The following SCML2 variants were observed in gnomAD, a reference collection of about 807,000 sequenced individuals.
SCML2 encodes the protein Scm polycomb group protein like 2, also known as sex comb on midleg-like protein 2.
A neutral mutation model predicts 48.4 loss-of-function variants in SCML2; 6 were observed. That is an observed-to-expected ratio of 0.12 (90% CI 0.07 to 0.24). SCML2 has a LOEUF of 0.24. Among genes scored for constraint, SCML2 ranks in the 10% least tolerant of loss-of-function variants. The pLI is 1.00. For synonymous variants in SCML2, 181 were observed against 189.5 expected (o/e 0.95, Z 0.37); for missense variants, 377 against 528.2 (o/e 0.71, Z 2.81).
chrX:18,330,699 G>T, intron 2 of SCML2, 44 bp from the exon 3 acceptor site: 1 of 764,301 alleles, frequency 1.3e-6, no homozygotes, highest in Non-Finnish European at 1.9e-6. Flanking sequence ...CACAGCAACA[G>T]CTTGAAAGAG....
chrX:18,274,408 G>T (rs1354700991), intron 7 of SCML2, among the ~76,000 whole-genome samples: 1 of 112,392 alleles, frequency 8.9e-6, no homozygotes, highest in Non-Finnish European at 1.9e-5. Context: ...GAAGGGGTCA[G>T]GGAAATATCC....
chrX:18,265,895 A>C (rs898569373), intron 7 of SCML2, 93 bp from the exon 8 acceptor site: 1 of 597,420 alleles, frequency 1.7e-6, no homozygotes, highest in African/African-American at 2.3e-5. Context: ...CGACCTTTAA[A>C]ACCATTTCCA....
chrX:18,341,356 G>C (rs1361253261), intron 1 of SCML2: 2 of 332,173 alleles, frequency 6.0e-6, no homozygotes, highest in East Asian at 9.0e-5. Flanking sequence ...AGAGCCTGGA[G>C]GATTCCCTAC....
rs763950074 is a variant in SCML2 at position 18,333,955 on chromosome X, T to C, written c.22+95A>G. The C allele has an allele frequency of 9.6e-5, 78 of 813,129 alleles. No individual in the cohort carries two copies. In the South Asian group the frequency reaches 2.2e-3, roughly 23 times the overall value. The allele number at this position is 813,129 out of a possible 1,213,427, so 67.0% of individuals were successfully genotyped here. Reference sequence around the variant, plus strand: ...CCTAGCATCTCCTATAAATTTATTTTTTAAAGGCTTTATTTCAAAAGTTCA... The same window carrying C: ...CCTAGCATCTCCTATAAATTTATTTCTTAAAGGCTTTATTTCAAAAGTTCA... On this transcript the variant is annotated intron_variant, in intron 2 of 14. Transcript: ENST00000251900.
intron 7 of SCML2, among the ~76,000 whole-genome samples, chrX:18,282,528 C>T (rs1189083774): frequency 9.0e-6 from 1 of 110,988 alleles, no homozygotes; most frequent in Non-Finnish European, 1.9e-5. Context: ...ATTCCAGCTA[C>T]TTGTGGGGCT....
At position 18,327,207 on chromosome X, in the gene SCML2, T is replaced by TA. The variant is rs1190700531; in HGVS notation, c.92-2231dup. On this transcript the variant is annotated intron_variant, in intron 3 of 14. Transcript: ENST00000251900. ...CAACATGGCGAAACCCCGTTTCTACTAAAAAAAAAAAAATTGCTGGGCATC... is the reference window on the plus strand; with the variant it reads ...CAACATGGCGAAACCCCGTTTCTACTAAAAAAAAAAAAAATTGCTGGGCATC... Among the ~76,000 whole-genome samples, 800 of 101,223 alleles carry TA rather than the reference T, an allele frequency of 7.9e-3. 7 individuals are homozygous for TA. Among genetic ancestry groups the TA allele is most frequent in the African/African-American group, 0.025 (704 of 27,966 alleles). 87.9% of individuals were successfully genotyped at this position (101,223 alleles called of 115,157 possible). A position where few individuals can be genotyped will look rare whatever the true frequency, so the allele number is the denominator to read the frequency against.
intron 1 of SCML2, among the ~76,000 whole-genome samples, chrX:18,346,740 G>A (rs781263744): frequency 6.3e-5 from 7 of 111,919 alleles, no homozygotes; most frequent in African/African-American, 2.3e-4. Flanking sequence ...ACACCTTTAT[G>A]TTTTTAACTT....
Position 18,239,895 on chromosome X carries a change from T to C in SCML2, c.*1356A>G, listed in dbSNP as rs1283589705. On this transcript the variant is annotated 3_prime_UTR_variant, in exon 15 of 15. Transcript: ENST00000251900. Reference sequence around the variant, plus strand: ...TCCTGTAATCGCTGAGGCAGGAGAATTGCTTGAACCAGGGAGGCGAGGTTG... The same window carrying C: ...TCCTGTAATCGCTGAGGCAGGAGAACTGCTTGAACCAGGGAGGCGAGGTTG... The C allele has an allele frequency of 9.0e-6, 1 of 111,585 alleles. No homozygotes were observed. The highest frequency in any genetic ancestry group is 2.8e-4 in the East Asian group (1 of 3,566). The allele number at this position is 111,585 out of a possible 1,213,427, so 9.2% of individuals were successfully genotyped here.
chrX:18,262,260 ATC>A (rs1927092523), intron 8 of SCML2, among the ~76,000 whole-genome samples: 1 of 107,557 alleles, frequency 9.3e-6, no homozygotes, highest in Non-Finnish European at 1.9e-5. Flanking sequence ...CATGTTGATA[ATC>A]TCTGTCTTTT....
At chrX:18,318,232 T>C (rs922737467) in intron 6 of SCML2, among the ~76,000 whole-genome samples, 1 of 112,914 alleles carries the variant, frequency 8.9e-6, no homozygotes, top group Non-Finnish European at 1.9e-5. Flanking sequence ...GTAGGGCAAG[T>C]CCACTTTCTG....
intron 6 of SCML2, among the ~76,000 whole-genome samples, chrX:18,313,357 T>C (rs1569157368): frequency 9.0e-6 from 1 of 111,027 alleles, no homozygotes; most frequent in Non-Finnish European, 1.9e-5. Flanking sequence ...CAAGATCTGA[T>C]GAGTTTATCA....
chrX:18,276,436 C>A (rs2147493759), intron 7 of SCML2, among the ~76,000 whole-genome samples: 1 of 111,662 alleles, frequency 9.0e-6, no homozygotes, highest in South Asian at 3.8e-4. Flanking sequence ...ATTGGTAGCT[C>A]ATATGGTAGT....
intron 1 of SCML2, among the ~76,000 whole-genome samples, chrX:18,338,039 AT>A (rs1027727403): frequency 3.6e-5 from 4 of 112,322 alleles, no homozygotes; most frequent in South Asian, 3.7e-4. Context: ...GCTCAAGATA[AT>A]TTTTTTTAAT....
At chrX:18,293,382 C>T (rs1928296120) in intron 7 of SCML2, among the ~76,000 whole-genome samples, 1 of 111,146 alleles carries the variant, frequency 9.0e-6, no homozygotes, top group Admixed American at 9.6e-5. Flanking sequence ...TGGGTGAACG[C>T]CAACTACAAG....
chrX:18,284,657 C>G (rs1251463838), intron 7 of SCML2, among the ~76,000 whole-genome samples: 1 of 112,428 alleles, frequency 8.9e-6, no homozygotes, highest in Non-Finnish European at 1.9e-5. Context: ...AAATGCTCAT[C>G]ATCACTAATT....
intron 7 of SCML2, among the ~76,000 whole-genome samples, chrX:18,275,929 C>T (rs1477134195): frequency 1.8e-5 from 2 of 112,344 alleles, no homozygotes; most frequent in South Asian, 3.6e-4. Context: ...AAATAACAAC[C>T]GTTGGCAAGG....
Position 18,305,177 on chromosome X carries a change from C to T in SCML2, c.525G>A (p.Gly175=), listed in dbSNP as rs778030014. ...PKPPLNNFKV[G]MKLEAIDKKN... The stretch of plus-strand genomic sequence containing the variant: ...TTTTGTCAATAGCTTCCAGTTTCAT[C>T]CCCACTTTAAAATTATTTAGTGGGG... The change falls in exon 7 of 15, where the codon GGG becomes GGA. Residue 175 remains glycine, a synonymous_variant. Transcript: ENST00000251900. 36 of 1,203,772 alleles carry T rather than the reference C, an allele frequency of 3.0e-5. No individual in the cohort carries two copies. The Admixed American group carries it at 3.3e-4, about 11-fold the overall frequency.
At chrX:18,315,384 C>T (rs1213452982) in intron 6 of SCML2, among the ~76,000 whole-genome samples, 1 of 111,323 alleles carries the variant, frequency 9.0e-6, no homozygotes, top group African/African-American at 3.3e-5. Flanking sequence ...CTGAGTATAA[C>T]CAGGAATTTC....
chrX:18,352,013 A>G (rs1930391759), intron 1 of SCML2, among the ~76,000 whole-genome samples: 1 of 111,658 alleles, frequency 9.0e-6, no homozygotes, highest in Non-Finnish European at 1.9e-5. Flanking sequence ...GGAAACAGAC[A>G]CCAACAGCAA....
Sources: allele counts gnomAD v4.1 joint callset (sites outside exome capture counted in the v4.1 genomes callset), GRCh38; gene constraint gnomAD v4.1.1; transcripts MANE v1.5; gene names NCBI Gene and HGNC (gene_info 2026-07-23, HGNC 2026-07-21).